WDPCP: variants seen among roughly 807,000 people sequenced by gnomAD.
WDPCP encodes the protein WD repeat containing planar cell polarity effector.
Under a neutral mutation model 93.1 loss-of-function variants are expected in WDPCP, and 71 were observed. The ratio of observed to expected loss-of-function variants is 0.76; its 90% CI spans 0.63 to 0.93. The LOEUF (loss-of-function observed/expected upper bound fraction) is 0.93, where lower values mean the gene tolerates loss of function less well. WDPCP is among the 40% of genes least tolerant of loss of function. The pLI, the probability that WDPCP is intolerant of heterozygous loss-of-function variation, is 0.00. For synonymous variants in WDPCP, 315 were observed against 315.0 expected (o/e 1.00, Z 0.00); for missense variants, 844 against 887.4 (o/e 0.95, Z 0.62).
intron 2 of WDPCP, among the ~76,000 whole-genome samples, chr2:63,687,073 A>C (rs1373356112): frequency 6.6e-6 from 1 of 152,228 alleles, no homozygotes; most frequent in Non-Finnish European, 1.5e-5. Context: ...ATAGCTGATG[A>C]GCTAAAAAAA....
At chr2:63,796,913 G>A (rs1243018716) in intron 2 of WDPCP, among the ~76,000 whole-genome samples, 2 of 152,136 alleles carry the variant, frequency 1.3e-5, no homozygotes, top group Admixed American at 6.5e-5. Flanking sequence ...CCCAGGAAGC[G>A]CAGCTTGCAG....
In WDPCP at chr2:63,405,424, C is replaced by T. The variant is rs1465929375; in HGVS notation, c.826-767G>A. On this transcript the variant is annotated intron_variant, in intron 9 of 17. Transcript: ENST00000272321. Reference sequence around the variant, plus strand: ...TAGGTGGATGTTTTTCAACCAAATGCAAATAGAAAATACAGTATTCCCAGT... The same window carrying T: ...TAGGTGGATGTTTTTCAACCAAATGTAAATAGAAAATACAGTATTCCCAGT... Among the ~76,000 whole-genome samples the T allele has an allele frequency of 2.0e-5, 3 of 151,982 alleles. No homozygotes were observed. The East Asian group carries it at 5.8e-4, about 29-fold the overall frequency.
At chr2:63,438,401 T>A (rs147205604) in intron 7 of WDPCP, among the ~76,000 whole-genome samples, 257 of 152,148 alleles carry the variant, frequency 1.7e-3, no homozygotes, top group Non-Finnish European at 3.2e-3. Context: ...CATGTTCCCA[T>A]GAGAGTGTAT....
chr2:63,524,168 A>C (rs779546971), intron 1 of WDPCP, among the ~76,000 whole-genome samples: 2 of 152,222 alleles, frequency 1.3e-5, no homozygotes, highest in Non-Finnish European at 2.9e-5. Flanking sequence ...AATATTGTTA[A>C]AATGGCCATA....
intron 17 of WDPCP, among the ~76,000 whole-genome samples, chr2:63,134,573 T>C (rs1017024421): frequency 1.3e-5 from 2 of 152,198 alleles, no homozygotes; most frequent in Admixed American, 6.5e-5. Flanking sequence ...TATGAGCACT[T>C]TGAACACTGG....
At chr2:63,730,282 C>T (rs149257695) in intron 2 of WDPCP, among the ~76,000 whole-genome samples, 113 of 151,986 alleles carry the variant, frequency 7.4e-4, no homozygotes, top group Admixed American at 2.6e-3. Context: ...TGTGACAGAA[C>T]CAGGATCTGA....
At chr2:63,628,090 T>A (rs1430046312) in intron 3 of WDPCP, among the ~76,000 whole-genome samples, 1 of 151,974 alleles carries the variant, frequency 6.6e-6, no homozygotes, top group Non-Finnish European at 1.5e-5. Flanking sequence ...CTCCTGGTCC[T>A]GCTAGGGGTT....
In WDPCP at chr2:63,404,652, C is replaced by G. The variant is rs863224423; in HGVS notation, c.831G>C (p.Leu277=). The change falls in exon 10 of 18, where the codon CTG becomes CTC. Residue 277 remains leucine (L), a synonymous_variant. Coordinates refer to ENST00000272321, the MANE Select transcript of WDPCP (RefSeq NM_015910.7). ...LGYAQGRLEV[L]SSVRTEWDPL... The stretch of plus-strand genomic sequence containing the variant: ...GGTCCCATTCTGTGCGGACAGAACT[C>G]AGAACCTGTTAAGAAATATATCAAG... The G allele has an allele frequency of 6.2e-7, 1 of 1,614,014 alleles. No individual in the cohort carries two copies. Among genetic ancestry groups the G allele is most frequent in the Non-Finnish European group, 8.5e-7 (1 of 1,179,952 alleles).
chr2:63,212,516 C>T (rs1188600848), intron 14 of WDPCP, among the ~76,000 whole-genome samples: 3 of 152,082 alleles, frequency 2.0e-5, no homozygotes, highest in African/African-American at 4.8e-5. Context: ...CAAAAACATG[C>T]CAAATTGTAA....
At chr2:63,142,867 C>T (rs1671190104) in intron 17 of WDPCP, among the ~76,000 whole-genome samples, 1 of 149,362 alleles carries the variant, frequency 6.7e-6, no homozygotes, top group South Asian at 2.2e-4. Context: ...TATATATACA[C>T]ACATACATAT....
At chr2:63,232,462 A>G (rs1277418768) in intron 14 of WDPCP, 1 of 152,240 alleles carries the variant, frequency 6.6e-6, no homozygotes, top group Admixed American at 6.6e-5. Flanking sequence ...TGTTGCTGAT[A>G]CCTTGGCCAA....
chr2:63,336,758 C>T (rs1362878489), intron 12 of WDPCP, among the ~76,000 whole-genome samples: 4 of 151,678 alleles, frequency 2.6e-5, no homozygotes, highest in Non-Finnish European at 5.9e-5. Flanking sequence ...TATAAAGTTA[C>T]CACCTTTACT....
chr2:63,321,796 A>G (rs1687115882), intron 12 of WDPCP, among the ~76,000 whole-genome samples: 1 of 152,058 alleles, frequency 6.6e-6, no homozygotes, highest in Non-Finnish European at 1.5e-5. Context: ...TTGATTTCAT[A>G]TTTGTTTTGT....
intron 2 of WDPCP, among the ~76,000 whole-genome samples, chr2:63,801,671 G>A (rs543637535): frequency 1.3e-5 from 2 of 152,236 alleles, no homozygotes; most frequent in South Asian, 4.1e-4. Flanking sequence ...GTTTTACAGA[G>A]TGCTGATTGG....
chr2:63,528,436 A>G lies in WDPCP; in HGVS notation c.76-35496T>C, dbSNP rs1270516137. 4.6e-5 allele frequency among the ~76,000 whole-genome samples: 7 copies of G among 152,192 alleles called. No individual in the cohort carries two copies. The East Asian group carries it at 7.7e-4, about 17-fold the overall frequency. Reference sequence around the variant, plus strand: ...ATCCAGTTTCAGCTTTCTACATATGACTAGCCAGTTTTCCCAGCACCATTT... The same window carrying G: ...ATCCAGTTTCAGCTTTCTACATATGGCTAGCCAGTTTTCCCAGCACCATTT... On this transcript the variant is annotated intron_variant, in intron 1 of 17. Transcript: ENST00000272321.
intron 13 of WDPCP, among the ~76,000 whole-genome samples, chr2:63,303,767 T>C (rs1685507599): frequency 6.6e-6 from 1 of 152,074 alleles, no homozygotes; most frequent in Non-Finnish European, 1.5e-5. Flanking sequence ...AAGAAGGCCT[T>C]GGTAAACAAC....
At chr2:63,284,009 G>A (rs545877415) in intron 13 of WDPCP, among the ~76,000 whole-genome samples, 7 of 151,958 alleles carry the variant, frequency 4.6e-5, no homozygotes, top group East Asian at 1.9e-4. Flanking sequence ...AAAATATATC[G>A]GATAGATACT....
chr2:63,840,294 T>C, the WDPCP span, among the ~76,000 whole-genome samples: 1 of 152,214 alleles, frequency 6.6e-6, no homozygotes, highest in Non-Finnish European at 1.5e-5. Context: ...CCCAGGCTAG[T>C]GTCAAGTTCC....
At chr2:63,575,429 T>TGTATGCACTGTATATACA (rs1558832339) in intron 1 of WDPCP, among the ~76,000 whole-genome samples, 100 of 1,746 alleles carry the variant, frequency 0.057, 8 homozygotes, top group Admixed American at 0.13. Flanking sequence ...CTGTATACAG[T>TGTATGCACTGTATATACA]GTATATACAG....
Sources: allele counts gnomAD v4.1 joint callset (sites outside exome capture counted in the v4.1 genomes callset), GRCh38; gene constraint gnomAD v4.1.1; transcripts MANE v1.5; gene names NCBI Gene and HGNC (gene_info 2026-07-23, HGNC 2026-07-21).